Variants in RALGPS1 observed in about 807,000 individuals in gnomAD.
RALGPS1 encodes Ral GEF with PH domain and SH3 binding motif 1, also known as ras-specific guanine nucleotide-releasing factor RalGPS1.
Under a neutral mutation model 78.8 loss-of-function variants are expected in RALGPS1, and 19 were observed. The observed-to-expected ratio is 0.24, with a 90% CI of 0.17 to 0.35. The LOEUF is 0.35. Ranked by LOEUF, RALGPS1 falls within the 10% of genes least tolerant of loss-of-function variation. The pLI, the probability that RALGPS1 is intolerant of heterozygous loss-of-function variation, is 1.00. For synonymous variants in RALGPS1, 228 were observed against 256.3 expected (o/e 0.89, Z 1.06); for missense variants, 454 against 688.3 (o/e 0.66, Z 3.81).
intron 4 of RALGPS1, among the ~76,000 whole-genome samples, chr9:127,010,919 G>A (rs2044280254): frequency 6.6e-6 from 1 of 152,210 alleles, no homozygotes; most frequent in Non-Finnish European, 1.5e-5. Context: ...CTGATGTGCT[G>A]TCTCTTTGTG....
At chr9:127,204,522 A>G (rs1425500023) in intron 14 of RALGPS1, among the ~76,000 whole-genome samples, 2 of 151,936 alleles carry the variant, frequency 1.3e-5, no homozygotes, top group Admixed American at 1.3e-4. Context: ...AGTTTCCTCA[A>G]ATGCAGTTCA....
At chr9:127,202,406 T>C (rs910026928) in intron 14 of RALGPS1, among the ~76,000 whole-genome samples, 24 of 152,092 alleles carry the variant, frequency 1.6e-4, no homozygotes, top group African/African-American at 5.8e-4. Flanking sequence ...GTCCCCATAG[T>C]GTTCGGCCAT....
intron 7 of RALGPS1, among the ~76,000 whole-genome samples, chr9:127,064,240 C>A (rs932277491): frequency 1.3e-5 from 2 of 152,298 alleles, no homozygotes; most frequent in East Asian, 3.9e-4. Flanking sequence ...GGTAAGCAGA[C>A]AATTTACTTT....
At chr9:127,181,719 G>A (rs2060233542) in intron 11 of RALGPS1, among the ~76,000 whole-genome samples, 1 of 152,068 alleles carries the variant, frequency 6.6e-6, no homozygotes, top group South Asian at 2.1e-4. Flanking sequence ...GGAGTGTTTG[G>A]CCCTTCTCCC....
At chr9:127,127,870 T>G (rs1251090129) in intron 8 of RALGPS1, among the ~76,000 whole-genome samples, 1 of 152,062 alleles carries the variant, frequency 6.6e-6, no homozygotes, top group East Asian at 1.9e-4. Context: ...AAAAAAAAAT[T>G]TTGCTTGTTT....
chr9:127,115,231 C>A (rs1488782899), intron 8 of RALGPS1, among the ~76,000 whole-genome samples: 2 of 151,906 alleles, frequency 1.3e-5, no homozygotes, highest in Non-Finnish European at 2.9e-5. Context: ...CTCTTGTCAC[C>A]CAGGCTGGAG....
chr9:126,992,630 C>G (rs1239849140), intron 4 of RALGPS1, among the ~76,000 whole-genome samples: 2 of 152,196 alleles, frequency 1.3e-5, no homozygotes, highest in Non-Finnish European at 2.9e-5. Context: ...AATGATATTG[C>G]ATCACCTGAA....
chr9:127,096,234 G>A (rs2053119549), intron 8 of RALGPS1, among the ~76,000 whole-genome samples: 1 of 152,236 alleles, frequency 6.6e-6, no homozygotes, highest in South Asian at 2.1e-4. Context: ...GGTTTTGGTT[G>A]TGTTTAGCTG....
At chr9:126,983,124 A>G (rs528244663) in intron 4 of RALGPS1, among the ~76,000 whole-genome samples, 2 of 151,700 alleles carry the variant, frequency 1.3e-5, no homozygotes, top group East Asian at 3.9e-4. Flanking sequence ...TTTAGTAGAG[A>G]TGGGGTTTCA....
At chr9:126,982,181 G>C (rs1294836232) in intron 4 of RALGPS1, among the ~76,000 whole-genome samples, 2 of 152,298 alleles carry the variant, frequency 1.3e-5, no homozygotes, top group Admixed American at 1.3e-4. Flanking sequence ...TAGTATCACA[G>C]ATCAGCCCTC....
At position 127,046,989 on chromosome 9, in the gene RALGPS1, T is replaced by TAAA. The variant is rs34433419; in HGVS notation, c.301-3043_301-3041dup. On this transcript the variant is annotated intron_variant, in intron 5 of 18. Coordinates refer to ENST00000259351, the MANE Select transcript of RALGPS1 (RefSeq NM_014636.3). The stretch of plus-strand genomic sequence containing the variant: ...TACCATTTTTTTCCATCGAATTAGT[T>TAAA]AAAAAAAAAAAAACTGATAGTAACT... 1.5e-3 allele frequency among the ~76,000 whole-genome samples: 227 copies of TAAA among 147,542 alleles called. 1 individual carries two copies. Among genetic ancestry groups the TAAA allele is most frequent in the Middle Eastern group, 3.4e-3 (1 of 292 alleles).
At chr9:126,936,580 C>A (rs953696013) in intron 1 of RALGPS1, among the ~76,000 whole-genome samples, 1 of 152,052 alleles carries the variant, frequency 6.6e-6, no homozygotes, top group African/African-American at 2.4e-5. Context: ...TTTGGGCTTC[C>A]CCTGTGCAAC....
chr9:126,976,470 A>T (rs933498389), intron 3 of RALGPS1, among the ~76,000 whole-genome samples: 3 of 152,046 alleles, frequency 2.0e-5, no homozygotes, highest in South Asian at 4.2e-4. Context: ...ACACTGTCTT[A>T]TGTGTTTATT....
At chr9:127,020,338 A>C (rs2045324169) in intron 4 of RALGPS1, among the ~76,000 whole-genome samples, 1 of 152,208 alleles carries the variant, frequency 6.6e-6, no homozygotes, top group African/African-American at 2.4e-5. Context: ...GGTACTTCCA[A>C]AAATTTCATT....
Position 127,005,234 on chromosome 9 carries a change from T to A in RALGPS1, c.216+27489T>A, listed in dbSNP as rs72764349. ...TAGTGCAACCCAGCTCCTATTGACA[T>A]CTGTACCTGCATGTTGTCAGCATCC... On this transcript the variant is annotated intron_variant, in intron 4 of 18. Coordinates refer to ENST00000259351, the MANE Select transcript of RALGPS1 (RefSeq NM_014636.3). 1.3e-3 allele frequency among the ~76,000 whole-genome samples: 193 copies of A among 152,350 alleles called. 1 individual carries two copies. Among genetic ancestry groups the A allele is most frequent in the Admixed American group, 2.2e-3 (33 of 15,306 alleles).
chr9:127,188,832 T>TTTAAAAAAAAAAAAAAAA (rs756481918), intron 11 of RALGPS1, among the ~76,000 whole-genome samples: 1 of 87,472 alleles, frequency 1.1e-5, no homozygotes, highest in African/African-American at 4.3e-5. Context: ...CCATCTCTAC[T>TTTAAAAAAAAAAAAAAAA]AAAAAAAAAA....
chr9:126,997,825 T>G (rs1221444507), intron 4 of RALGPS1, among the ~76,000 whole-genome samples: 1 of 152,130 alleles, frequency 6.6e-6, no homozygotes, highest in East Asian at 1.9e-4. Context: ...AACAGAGATA[T>G]GGACCAATGG....
rs1286867636 is a variant in RALGPS1, at chr9:127,168,701, T to C, written c.771T>C (p.His257=). Residue 257 remains histidine, a synonymous_variant, in exon 10 of 19, where the codon CAT becomes CAC. Transcript: ENST00000259351. ...CAGATCACCTCACCACCCTGCCCCATGTGCAGAAGTACCTGAAGTCCGTAC... is the reference window on the plus strand; with the variant it reads ...CAGATCACCTCACCACCCTGCCCCACGTGCAGAAGTACCTGAAGTCCGTAC... ...CSYDHLTTLP[H]VQKYLKSVRY... 4 of 1,613,636 alleles carry C rather than the reference T, an allele frequency of 2.5e-6. No individual in the cohort carries two copies. Among genetic ancestry groups the C allele is most frequent in the South Asian group, 2.2e-5 (2 of 91,060 alleles).
intron 8 of RALGPS1, among the ~76,000 whole-genome samples, chr9:127,117,041 A>T (rs1001067147): frequency 1.3e-4 from 20 of 152,154 alleles, no homozygotes; most frequent in African/African-American, 4.8e-4. Context: ...CCCACATCTG[A>T]TCATGTCAGC....
Sources: gnomAD v4.1 joint callset for allele counts (sites outside exome capture counted in the v4.1 genomes callset) on GRCh38, gnomAD v4.1.1 for gene constraint, MANE v1.5 for transcripts, NCBI Gene and HGNC (gene_info 2026-07-23, HGNC 2026-07-21) for gene names.